Variants in KREMEN1 observed in about 807,000 individuals in gnomAD.
KREMEN1 encodes the protein kremen protein 1.
KREMEN1 carries 30 observed loss-of-function variants against 46.5 expected under a neutral mutation model. The ratio of observed to expected loss-of-function variants is 0.65; its 90% CI spans 0.48 to 0.88. The LOEUF is 0.88. KREMEN1 is among the 40% of genes least tolerant of loss of function. The pLI, the probability that KREMEN1 is intolerant of heterozygous loss-of-function variation, is 0.00. For missense variants in KREMEN1, 533 were observed against 596.9 expected (o/e 0.89, Z 1.11); for synonymous variants, 214 against 230.6 (o/e 0.93, Z 0.65).
At chr22:29,100,641 A>G (rs1220480166) in intron 3 of KREMEN1, among the ~76,000 whole-genome samples, 1 of 152,210 alleles carries the variant, frequency 6.6e-6, no homozygotes, top group Admixed American at 6.5e-5. Flanking sequence ...TATTTACTAT[A>G]CTATACTTTT....
intron 3 of KREMEN1, among the ~76,000 whole-genome samples, chr22:29,121,118 C>T (rs1268777254): frequency 2.0e-5 from 3 of 146,692 alleles, no homozygotes; most frequent in South Asian, 2.1e-4. Context: ...TTTTTAAATA[C>T]GTATTCGGTT....
At chr22:29,162,353 A>G (rs1312981813) in intron 9 of KREMEN1, among the ~76,000 whole-genome samples, 2 of 152,210 alleles carry the variant, frequency 1.3e-5, no homozygotes, top group Non-Finnish European at 2.9e-5. Context: ...AATAAGAGCC[A>G]TCTATGACAA....
intron 9 of KREMEN1, among the ~76,000 whole-genome samples, chr22:29,156,554 TCCGCACAGGAATGCTC>T (rs2038963616): frequency 7.6e-4 from 1 of 1,320 alleles, no homozygotes; most frequent in Non-Finnish European, 2.3e-3. Context: ...TGGAATGCTC[TCCGCACAGGAATGCTC>T]TCCGCACAGG....
intron 3 of KREMEN1, among the ~76,000 whole-genome samples, chr22:29,102,472 A>C (rs1466057006): frequency 3.9e-5 from 6 of 152,248 alleles, no homozygotes; most frequent in Non-Finnish European, 7.3e-5. Context: ...TCCTCGGTCC[A>C]TTTGTTCAAC....
intron 5 of KREMEN1, chr22:29,133,996 C>T (rs1275523899): frequency 6.6e-6 from 1 of 152,032 alleles, no homozygotes; most frequent in African/African-American, 2.4e-5. Context: ...CTGATAAGCC[C>T]ATCAAAGGAA....
chr22:29,081,058 A>T (rs940449617), intron 1 of KREMEN1, among the ~76,000 whole-genome samples: 2 of 146,366 alleles, frequency 1.4e-5, no homozygotes, highest in Non-Finnish European at 3.0e-5. Flanking sequence ...TTACATATGT[A>T]TACATGTGCC....
At chr22:29,131,590 GTGTGTA>G (rs1239348913) in intron 5 of KREMEN1, among the ~76,000 whole-genome samples, 86 of 132,178 alleles carry the variant, frequency 6.5e-4, no homozygotes, top group Admixed American at 3.6e-3. Flanking sequence ...GTGTGTGTGT[GTGTGTA>G]TATGTATATA....
At chr22:29,112,150 C>T (rs181323421) in intron 3 of KREMEN1, among the ~76,000 whole-genome samples, 5 of 152,266 alleles carry the variant, frequency 3.3e-5, no homozygotes, top group African/African-American at 1.2e-4. Context: ...CTCATTCATC[C>T]ACTCACGTGG....
At chr22:29,109,158 T>A (rs182180230) in intron 3 of KREMEN1, among the ~76,000 whole-genome samples, 235 of 152,318 alleles carry the variant, frequency 1.5e-3, no homozygotes, top group African/African-American at 5.2e-3. Context: ...GTGGGTATTA[T>A]TTAATTTTCC....
rs983395803 is a variant in KREMEN1, at chr22:29,125,301, A to G, written c.516A>G (p.Gly172=). Residue 172 remains glycine (G), a synonymous_variant, in exon 5 of 9, where the codon GGA becomes GGG. Coordinates refer to ENST00000400335, the MANE Select transcript of KREMEN1 (RefSeq NM_001039570.3). ...GMESGYACFC[G]NNPDYWKYGE... ...AGTCAGGCTATGCTTGCTTCTGTGG[A>G]AACAATCCTGATTACTGGAAGTACG... 5.6e-6 allele frequency: 9 copies of G among 1,614,018 alleles called. No homozygotes were observed. The African/African-American group carries it at 1.2e-4, about 22-fold the overall frequency.
chr22:29,146,821 G>A, downstream of KREMEN1: 2 of 968,988 alleles, frequency 2.1e-6, no homozygotes, highest in Non-Finnish European at 2.5e-6. Context: ...TGTAGAAAGA[G>A]TGATGGGCCC....
At chr22:29,100,994 G>A (rs1179723977) in intron 3 of KREMEN1, among the ~76,000 whole-genome samples, 1 of 152,242 alleles carries the variant, frequency 6.6e-6, no homozygotes, top group African/African-American at 2.4e-5. Context: ...GCTCACGCCT[G>A]TAATCCCAGG....
intron 1 of KREMEN1, among the ~76,000 whole-genome samples, chr22:29,088,556 T>C (rs1043752817): frequency 1.3e-5 from 2 of 152,070 alleles, no homozygotes; most frequent in African/African-American, 4.8e-5. Flanking sequence ...TCTCGAACTC[T>C]TGATATCAAG....
In KREMEN1 at chr22:29,143,798, C is replaced by A; in HGVS notation, c.*1686C>A. The A allele has an allele frequency of 1.0e-6, 1 of 984,610 alleles. No homozygotes were observed. Among genetic ancestry groups the A allele is most frequent in the Non-Finnish European group, 1.2e-6 (1 of 829,988 alleles). 61.0% of individuals were successfully genotyped at this position (984,610 alleles called of 1,614,324 possible). A position where few individuals can be genotyped will look rare whatever the true frequency, so the allele number is the denominator to read the frequency against. On this transcript the variant is annotated 3_prime_UTR_variant, in exon 9 of 9. Transcript: ENST00000400335. ...GTGCTCTCTGCCCCTCCTGTGGGGA[C>A]CAAGTGGGGTTAGGAATGGCTCAGT...
intron 5 of KREMEN1, among the ~76,000 whole-genome samples, chr22:29,131,951 C>CA (rs2038569400): frequency 7.7e-6 from 1 of 130,398 alleles, no homozygotes; most frequent in African/African-American, 2.9e-5. Flanking sequence ...TGGCTCACAG[C>CA]AACCTCCGCC....
intron 1 of KREMEN1, among the ~76,000 whole-genome samples, chr22:29,075,749 A>G (rs1249880855): frequency 6.6e-6 from 1 of 152,176 alleles, no homozygotes; most frequent in African/African-American, 2.4e-5. Context: ...TACTCTGAGG[A>G]TATGCCAAAC....
Position 29,144,351 on chromosome 22 carries a change from G to A in KREMEN1, c.*2239G>A, listed in dbSNP as rs1262132799. The stretch of plus-strand genomic sequence containing the variant: ...TTCAGGAGAGGTGCTTGGAGCTTCA[G>A]GCAGAGGGGCCTTCAGAGGAGGGAA... On this transcript the variant is annotated 3_prime_UTR_variant, in exon 9 of 9. Transcript: ENST00000400335. 4.1e-6 allele frequency: 4 copies of A among 985,666 alleles called. No individual in the cohort carries two copies. Among genetic ancestry groups the A allele is most frequent in the African/African-American group, 3.5e-5 (2 of 57,262 alleles). 61.1% of individuals were successfully genotyped at this position (985,666 alleles called of 1,614,324 possible). A position where few individuals can be genotyped will look rare whatever the true frequency, so the allele number is the denominator to read the frequency against.
At chr22:29,160,667 A>G (rs1205246469) in intron 9 of KREMEN1, among the ~76,000 whole-genome samples, 1 of 152,182 alleles carries the variant, frequency 6.6e-6, no homozygotes, top group African/African-American at 2.4e-5. Flanking sequence ...AATCAAAAAA[A>G]TTCTTTGAAA....
Position 29,131,594 on chromosome 22 carries a change from GTATATGTATATA to G in KREMEN1, c.632-5746_632-5735del, listed in dbSNP as rs1569331241. ...TGTGTGTGTGTGTGTGTGTGTGTGT[GTATATGTATATA>G]TGTGTGTATATATATGTATATATGT... is the stretch of plus-strand genomic sequence containing the variant. On this transcript the variant is annotated intron_variant, in intron 5 of 8. Coordinates refer to ENST00000400335, the MANE Select transcript of KREMEN1 (RefSeq NM_001039570.3). Among the ~76,000 whole-genome samples, 264 of 121,746 alleles carry G rather than the reference GTATATGTATATA, an allele frequency of 2.2e-3. 8 individuals are homozygous for G. Among genetic ancestry groups the G allele is most frequent in the South Asian group, 0.017 (71 of 4,192 alleles). 79.9% of individuals were successfully genotyped at this position (121,746 alleles called of 152,430 possible).
Sources: allele counts gnomAD v4.1 joint callset (sites outside exome capture counted in the v4.1 genomes callset), GRCh38; gene constraint gnomAD v4.1.1; transcripts MANE v1.5; gene names NCBI Gene and HGNC (gene_info 2026-07-23, HGNC 2026-07-21).